Variants in TENM2 observed in about 807,000 individuals in gnomAD.
TENM2 encodes teneurin transmembrane protein 2.
A neutral mutation model predicts 245.2 loss-of-function variants in TENM2; 52 were observed. The ratio of observed to expected loss-of-function variants is 0.21; its 90% CI spans 0.17 to 0.27. The LOEUF is 0.27. TENM2 is among the 10% of genes least tolerant of loss of function. The pLI is 1.00. For missense variants in TENM2, 3,046 were observed against 3,666.8 expected, an observed-to-expected ratio of 0.83 and a Z score of 4.37; for synonymous variants, 1,363 against 1,438.9, an observed-to-expected ratio of 0.95 and a Z score of 1.19.
intron 2 of TENM2, among the ~76,000 whole-genome samples, chr5:167,670,616 G>T (rs1172613648): frequency 6.6e-6 from 1 of 152,116 alleles, no homozygotes; most frequent in East Asian, 1.9e-4. Flanking sequence ...AGACAGGATG[G>T]CACAGACGAT....
chr5:168,106,275 T>C lies in TENM2; in HGVS notation c.1813+8148T>C, dbSNP rs372784825. 1.5e-3 allele frequency among the ~76,000 whole-genome samples: 224 copies of C among 152,322 alleles called. 5 individuals are homozygous for C. The South Asian group carries it at 0.046, about 31-fold the overall frequency. ...GAAAAAAACAGGAATCTTGCCATTT[T>C]TCTCCCGTTAACTGGCAAATGTTCC... On this transcript the variant is annotated intron_variant, in intron 9 of 28. Transcript: ENST00000518659.
intron 1 of TENM2, among the ~76,000 whole-genome samples, chr5:167,350,781 A>G (rs560937357): frequency 7.0e-6 from 1 of 142,762 alleles, no homozygotes; most frequent in South Asian, 2.3e-4. Flanking sequence ...TATATGGGAT[A>G]TATACATATG....
At chr5:168,022,910 T>C (rs1223866427) in intron 5 of TENM2, among the ~76,000 whole-genome samples, 1 of 152,116 alleles carries the variant, frequency 6.6e-6, no homozygotes, top group African/African-American at 2.4e-5. Flanking sequence ...ACTGCAGTGT[T>C]CCATGTCCAT....
At chr5:168,215,363 A>G (rs1763097894) in intron 21 of TENM2, 91 bp downstream of exon 23, 2 of 977,444 alleles carry the variant, frequency 2.0e-6, no homozygotes, top group Admixed American at 1.9e-5. Context: ...TAAGTCCAGC[A>G]GTCCAAAACA....
At chr5:167,620,269 C>T (rs191409303) in intron 2 of TENM2, among the ~76,000 whole-genome samples, 2 of 152,164 alleles carry the variant, frequency 1.3e-5, no homozygotes, top group Admixed American at 1.3e-4. Context: ...CTGCGGGGAG[C>T]ACTTGGAGGG....
chr5:167,244,003 C>T, the TENM2 span, among the ~76,000 whole-genome samples: 1 of 152,234 alleles, frequency 6.6e-6, no homozygotes, highest in East Asian at 1.9e-4. Context: ...AATCTTTTGC[C>T]CCATGCCCTT....
intron 4 of TENM2, among the ~76,000 whole-genome samples, chr5:167,956,025 G>T (rs1252396991): frequency 1.3e-5 from 2 of 152,314 alleles, no homozygotes; most frequent in East Asian, 1.9e-4. Flanking sequence ...ATGGTAGCTT[G>T]ATGGGGATAG....
chr5:168,143,431 A>G (rs1040479563), intron 12 of TENM2, among the ~76,000 whole-genome samples: 1 of 152,178 alleles, frequency 6.6e-6, no homozygotes, highest in Admixed American at 6.5e-5. Flanking sequence ...TAATAATAGA[A>G]AGTGGAAGAA....
chr5:167,311,879 A>G (rs1030803597), intron 1 of TENM2, among the ~76,000 whole-genome samples: 1 of 152,220 alleles, frequency 6.6e-6, no homozygotes, highest in African/African-American at 2.4e-5. Context: ...GAAATGCATC[A>G]TTCTGTTGTA....
At chr5:167,859,423 GT>G (rs1175888950) in intron 2 of TENM2, among the ~76,000 whole-genome samples, 3 of 146,950 alleles carry the variant, frequency 2.0e-5, no homozygotes, top group Admixed American at 6.7e-5. Context: ...CGTCCGGGAG[GT>G]GAGGGGCGCC....
At chr5:167,144,870 G>A in the TENM2 span, among the ~76,000 whole-genome samples, 1 of 152,180 alleles carries the variant, frequency 6.6e-6, no homozygotes, top group Non-Finnish European at 1.5e-5. Context: ...TAGTTCTGGA[G>A]GTTACAAGTA....
At chr5:167,329,403 A>AG (rs1757294685) in intron 1 of TENM2, among the ~76,000 whole-genome samples, 2 of 149,982 alleles carry the variant, frequency 1.3e-5, no homozygotes, top group Non-Finnish European at 3.0e-5. Context: ...AAAAAAAAAA[A>AG]TAGCCTGGCG....
At chr5:167,947,896 T>A (rs971272157) in intron 3 of TENM2, among the ~76,000 whole-genome samples, 1 of 152,182 alleles carries the variant, frequency 6.6e-6, no homozygotes, top group African/African-American at 2.4e-5. Flanking sequence ...TTTATCATCA[T>A]TTCTAATCAC....
At chr5:168,081,635 A>G (rs112872405) in intron 7 of TENM2, among the ~76,000 whole-genome samples, 1 of 152,182 alleles carries the variant, frequency 6.6e-6, no homozygotes, top group Non-Finnish European at 1.5e-5. Flanking sequence ...GGTGGTGACA[A>G]AATCTCTCAG....
At chr5:168,198,182 T>G (rs796327454) in intron 15 of TENM2, among the ~76,000 whole-genome samples, 1 of 146,718 alleles carries the variant, frequency 6.8e-6, no homozygotes, top group Non-Finnish European at 1.5e-5. Flanking sequence ...TGTATGCCAA[T>G]GAACCCTTTT....
At chr5:167,132,453 C>T in the TENM2 span, among the ~76,000 whole-genome samples, 4 of 152,048 alleles carry the variant, frequency 2.6e-5, no homozygotes, top group African/African-American at 9.7e-5. Context: ...TGTGGTTGAG[C>T]ATTTTTTCCT....
chr5:167,722,281 A>G lies in TENM2; in HGVS notation c.503-153705A>G, dbSNP rs953130898. The stretch of plus-strand genomic sequence containing the variant: ...TATTTGGTTTTGAACTCCATCAGAG[A>G]TAAGCTGTTCTTGCAGCATATCAAA... On this transcript the variant is annotated intron_variant, in intron 2 of 28. Transcript: ENST00000518659. Among the ~76,000 whole-genome samples, 7 of 152,326 alleles carry G rather than the reference A, an allele frequency of 4.6e-5. No homozygotes were observed. In the South Asian group the frequency reaches 1.4e-3, roughly 32 times the overall value.
At chr5:167,809,099 G>A (rs1766443724) in intron 2 of TENM2, among the ~76,000 whole-genome samples, 1 of 152,112 alleles carries the variant, frequency 6.6e-6, no homozygotes, top group Non-Finnish European at 1.5e-5. Context: ...CAGGATGCTA[G>A]GCATAAGACA....
At chr5:168,195,141 T>C (rs753391597) in intron 14 of TENM2, 35 bp from the exon 17 acceptor site, 1 of 1,562,394 alleles carries the variant, frequency 6.4e-7, no homozygotes, top group Non-Finnish European at 8.7e-7. Context: ...TTCTCCTGCA[T>C]GTGGCTCAAA....
Sources: gnomAD v4.1 joint callset for allele counts (sites outside exome capture counted in the v4.1 genomes callset) on GRCh38, gnomAD v4.1.1 for gene constraint, MANE v1.5 for transcripts, NCBI Gene and HGNC (gene_info 2026-07-23, HGNC 2026-07-21) for gene names.